ATP9A: variants seen among roughly 807,000 people sequenced by gnomAD.
ATP9A encodes probable phospholipid-transporting ATPase IIA.
In ATP9A, 52 loss-of-function variants were observed where a neutral mutation model predicts 144.1. The ratio of observed to expected loss-of-function variants is 0.36; its 90% confidence interval spans 0.29 to 0.45. The LOEUF is 0.45. Ranked by LOEUF, ATP9A falls within the 20% of genes least tolerant of loss-of-function variation. The probability of loss-of-function intolerance (pLI) is 1.00; values close to 1 mark genes in which losing one functional copy is unlikely to be tolerated. For synonymous variants in ATP9A, 582 were observed against 557.4 expected (o/e 1.04, Z -0.62); for missense variants, 947 against 1,392.7 (o/e 0.68, Z 5.09).
intron 6 of ATP9A, among the ~76,000 whole-genome samples, chr20:51,695,466 G>GAA (rs5841858): frequency 0.086 from 10,791 of 124,866 alleles, 673 homozygotes; most frequent in Non-Finnish European, 0.13. Context: ...CGGTCTCAAG[G>GAA]AAAAAAAAAA....
intron 15 of ATP9A, among the ~76,000 whole-genome samples, chr20:51,631,028 G>A (rs570044397): frequency 4.6e-5 from 7 of 152,102 alleles, no homozygotes; most frequent in Admixed American, 2.0e-4. Flanking sequence ...CAAAAACCAC[G>A]CTTCTATCTG....
At chr20:51,703,827 A>G (rs1317834865) in intron 4 of ATP9A, among the ~76,000 whole-genome samples, 4 of 152,050 alleles carry the variant, frequency 2.6e-5, no homozygotes, top group African/African-American at 9.7e-5. Context: ...CTATACTTGT[A>G]TTTTTCATTG....
At chr20:51,639,262 G>C in intron 15 of ATP9A, 81 bp downstream of exon 15, 1 of 1,416,528 alleles carries the variant, frequency 7.1e-7, no homozygotes, top group Non-Finnish European at 9.6e-7. Flanking sequence ...AAGAGGGTTA[G>C]AAAGAATGTC....
intron 14 of ATP9A, among the ~76,000 whole-genome samples, chr20:51,640,094 C>G (rs530566092): frequency 1.2e-3 from 178 of 152,074 alleles, no homozygotes; most frequent in African/African-American, 4.1e-3. Context: ...CCGTCCCCAC[C>G]CCACACCACC....
In ATP9A at chr20:51,617,484, T is replaced by A. The variant is rs2077208005; in HGVS notation, c.2415+6A>T. 1 of 1,608,594 alleles carries A rather than the reference T, an allele frequency of 6.2e-7. No homozygotes were observed. Among genetic ancestry groups the A allele is most frequent in the South Asian group, 1.1e-5 (1 of 89,602 alleles). Reference sequence around the variant, plus strand: ...AGTGGAGCCGAGCAGAGGGAAACACTCTCACCTTTCCTTCCACTCCCACGC... The same window carrying A: ...AGTGGAGCCGAGCAGAGGGAAACACACTCACCTTTCCTTCCACTCCCACGC... On this transcript the variant is annotated splice_donor_region_variant and intron_variant, in intron 22 of 27. Transcript: ENST00000338821.
intron 21 of ATP9A, 92 bp from the exon 22 acceptor site, chr20:51,617,646 G>C (rs189756131): frequency 2.1e-6 from 3 of 1,431,340 alleles, no homozygotes; most frequent in South Asian, 1.2e-5. Flanking sequence ...CGTCTTTCAC[G>C]GAGCGCTTGC....
chr20:51,767,056 TG>T (rs998179306), intron 1 of ATP9A, among the ~76,000 whole-genome samples: 2 of 142,390 alleles, frequency 1.4e-5, no homozygotes, highest in African/African-American at 2.6e-5. Context: ...CCCCACAAAA[TG>T]GCCGCCAGCA....
At chr20:51,679,049 C>T (rs997496840) in intron 9 of ATP9A, among the ~76,000 whole-genome samples, 1 of 152,164 alleles carries the variant, frequency 6.6e-6, no homozygotes, top group East Asian at 1.9e-4. Flanking sequence ...TGAGGCCGGG[C>T]ACGGTGGCTC....
rs10578719 is a variant in ATP9A, at chr20:51,702,365, CGTGTGTGT to C, written c.437-4891_437-4884del. On this transcript the variant is annotated intron_variant, in intron 4 of 27. Coordinates refer to ENST00000338821, the MANE Select transcript of ATP9A (RefSeq NM_006045.3). ...CTTCATGCTTCATGGTGTGTGTGTTCGTGTGTGTGTGTGTGTGTGTGTGTGTGTGTGTG... is the reference window on the plus strand; with the variant it reads ...CTTCATGCTTCATGGTGTGTGTGTTCGTGTGTGTGTGTGTGTGTGTGTGTG... 1.4e-3 allele frequency among the ~76,000 whole-genome samples: 187 copies of C among 130,302 alleles called. 2 individuals carry two copies. Among genetic ancestry groups the C allele is most frequent in the East Asian group, 4.1e-3 (19 of 4,622 alleles). 85.5% of individuals were successfully genotyped at this position (130,302 alleles called of 152,430 possible). A position where few individuals can be genotyped will look rare whatever the true frequency, so the allele number is the denominator to read the frequency against.
At chr20:51,724,805 G>A (rs1601128909) in intron 3 of ATP9A, among the ~76,000 whole-genome samples, 2 of 152,192 alleles carry the variant, frequency 1.3e-5, no homozygotes, top group East Asian at 1.9e-4. Flanking sequence ...GCTACACATC[G>A]CATGCACAAA....
chr20:51,698,906 G>T (rs2077581671), intron 4 of ATP9A, among the ~76,000 whole-genome samples: 1 of 152,156 alleles, frequency 6.6e-6, no homozygotes, highest in Non-Finnish European at 1.5e-5. Context: ...CCCTGTGAGG[G>T]AGCCCAGAGA....
chr20:51,757,051 T>C (rs2077859674), intron 1 of ATP9A, among the ~76,000 whole-genome samples: 1 of 152,158 alleles, frequency 6.6e-6, no homozygotes. Context: ...GGAGACATTC[T>C]TGATTGTCAC....
At chr20:51,754,645 G>A (rs1283141179) in intron 1 of ATP9A, among the ~76,000 whole-genome samples, 2 of 147,648 alleles carry the variant, frequency 1.4e-5, no homozygotes, top group South Asian at 4.3e-4. Flanking sequence ...TAAACCCTGT[G>A]TCTACTAAAA....
Position 51,657,091 on chromosome 20 carries a change from G to T in ATP9A, c.1353C>A (p.Thr451=). Residue 451 remains threonine (T), a synonymous_variant, in exon 14 of 28, where the codon ACC becomes ACA. Transcript: ENST00000338821. The part of the protein sequence containing the change: ...GPTLTTKVRR[T]MSSRVHEAVK... ...CGGCTTCGTGCACGCGGCTGCTCATGGTCCGCCGGACCTTAGTGGTGAGCG... is the reference window on the plus strand; with the variant it reads ...CGGCTTCGTGCACGCGGCTGCTCATTGTCCGCCGGACCTTAGTGGTGAGCG... 1 of 1,614,186 alleles carries T rather than the reference G, an allele frequency of 6.2e-7. No homozygotes were observed. Among genetic ancestry groups the T allele is most frequent in the Non-Finnish European group, 8.5e-7 (1 of 1,180,042 alleles).
chr20:51,721,955 G>A (rs2077691550), intron 3 of ATP9A, among the ~76,000 whole-genome samples: 2 of 152,134 alleles, frequency 1.3e-5, no homozygotes, highest in African/African-American at 4.8e-5. Flanking sequence ...TAAGGCCATA[G>A]TCACCAAAAC....
At chr20:51,708,532 C>T (rs1441030279) in intron 4 of ATP9A, among the ~76,000 whole-genome samples, 1 of 152,002 alleles carries the variant, frequency 6.6e-6, no homozygotes, top group African/African-American at 2.4e-5. Context: ...CCTAGGAGCT[C>T]GAGACCAGCC....
At chr20:51,674,058 A>G in intron 11 of ATP9A, 95 bp downstream of exon 11, 1 of 1,378,894 alleles carries the variant, frequency 7.3e-7, no homozygotes, top group Non-Finnish European at 9.8e-7. Flanking sequence ...CTCAGAAAAC[A>G]ATAATAATAA....
chr20:51,623,801 A>AAAGAAAG (rs1555829564), intron 18 of ATP9A, among the ~76,000 whole-genome samples: 3,022 of 133,210 alleles, frequency 0.023, 67 homozygotes, highest in African/African-American at 0.057. Flanking sequence ...AAAAAAAAAA[A>AAAGAAAG]AAAGAAAGAA....
intron 3 of ATP9A, among the ~76,000 whole-genome samples, chr20:51,724,136 A>C (rs2077702129): frequency 6.6e-6 from 1 of 152,020 alleles, no homozygotes; most frequent in Non-Finnish European, 1.5e-5. Context: ...GCGCCACTGC[A>C]CTCCAACCTG....
Sources: allele counts gnomAD v4.1 joint callset (sites outside exome capture counted in the v4.1 genomes callset), GRCh38; gene constraint gnomAD v4.1.1; transcripts MANE v1.5; gene names NCBI Gene and HGNC (gene_info 2026-07-23, HGNC 2026-07-21).